CLSTN2: variants seen among roughly 807,000 people sequenced by gnomAD.
CLSTN2 encodes calsyntenin 2.
CLSTN2 carries 48 observed loss-of-function variants against 101.2 expected under a neutral mutation model. That is an observed-to-expected ratio of 0.47 (90% CI 0.38 to 0.60). The LOEUF (loss-of-function observed/expected upper bound fraction) is 0.60, where lower values mean the gene tolerates loss of function less well. Ranked by LOEUF, CLSTN2 falls within the 20% of genes least tolerant of loss-of-function variation. The pLI, the probability that CLSTN2 is intolerant of heterozygous loss-of-function variation, is 0.00. For missense variants in CLSTN2, 1,160 were observed against 1,238.2 expected (o/e 0.94, Z 0.95); for synonymous variants, 481 against 463.6 (o/e 1.04, Z -0.48).
At chr3:140,055,934 T>C (rs1443697772) in intron 1 of CLSTN2, among the ~76,000 whole-genome samples, 1 of 152,184 alleles carries the variant, frequency 6.6e-6, no homozygotes, top group Non-Finnish European at 1.5e-5. Flanking sequence ...GGCTGGCCCA[T>C]TGAGAGTGAA....
intron 1 of CLSTN2, among the ~76,000 whole-genome samples, chr3:140,137,504 C>A (rs926154152): frequency 6.6e-6 from 1 of 152,154 alleles, no homozygotes; most frequent in African/African-American, 2.4e-5. Context: ...CATATCACTT[C>A]GTGTCCTCTA....
At chr3:140,042,247 C>A (rs964733442) in intron 1 of CLSTN2, among the ~76,000 whole-genome samples, 2 of 152,190 alleles carry the variant, frequency 1.3e-5, no homozygotes, top group East Asian at 3.8e-4. Context: ...CTCCACCAGG[C>A]CCCAGCAGCC....
At chr3:140,110,549 A>G (rs114048936) in intron 1 of CLSTN2, among the ~76,000 whole-genome samples, 1 of 152,344 alleles carries the variant, frequency 6.6e-6, no homozygotes, top group Non-Finnish European at 1.5e-5. Flanking sequence ...ACTCTTTGTT[A>G]TTAGAGAAAA....
intron 1 of CLSTN2, among the ~76,000 whole-genome samples, chr3:140,034,508 C>T (rs931814413): frequency 3.9e-5 from 6 of 152,146 alleles, no homozygotes; most frequent in Non-Finnish European, 7.4e-5. Flanking sequence ...GGGAATAATC[C>T]GCACCCTGCC....
chr3:140,521,048 A>ATTTTTTTTTTTTTTTT (rs57840726), intron 8 of CLSTN2, among the ~76,000 whole-genome samples: 1 of 125,490 alleles, frequency 8.0e-6, no homozygotes, highest in Non-Finnish European at 1.7e-5. Flanking sequence ...GCTTTTTTGC[A>ATTTTTTTTTTTTTTTT]TTTTTTTTTT....
At chr3:140,187,215 GCT>G (rs2010497632) in intron 2 of CLSTN2, among the ~76,000 whole-genome samples, 1 of 152,120 alleles carries the variant, frequency 6.6e-6, no homozygotes, top group Non-Finnish European at 1.5e-5. Context: ...TGCCTTTGCT[GCT>G]CTGTCTCCCT....
intron 2 of CLSTN2, among the ~76,000 whole-genome samples, chr3:140,215,712 C>T (rs1254783007): frequency 2.6e-5 from 4 of 152,198 alleles, no homozygotes; most frequent in African/African-American, 9.7e-5. Flanking sequence ...AACTTACCCT[C>T]CCTGTGTTTC....
chr3:140,124,779 A>G (rs1261002729), intron 1 of CLSTN2, among the ~76,000 whole-genome samples: 1 of 152,176 alleles, frequency 6.6e-6, no homozygotes, highest in East Asian at 1.9e-4. Context: ...TGGGAATGAA[A>G]TGGTGGCATC....
At chr3:140,394,090 G>T (rs1211668238) in intron 2 of CLSTN2, among the ~76,000 whole-genome samples, 1 of 152,146 alleles carries the variant, frequency 6.6e-6, no homozygotes, top group Non-Finnish European at 1.5e-5. Flanking sequence ...ATCCCTTTGT[G>T]CTGGCTTGCT....
Position 140,430,657 on chromosome 3 carries a change from G to A in CLSTN2, c.787+9383G>A, listed in dbSNP as rs559232702. ...TGTGAAGCTCTTGTTGTCCATTGGC[G>A]CCTTAGCAGGGAGTGGGTGATTAGA... On this transcript the variant is annotated intron_variant, in intron 5 of 16. Transcript: ENST00000458420. Among the ~76,000 whole-genome samples, 133 of 152,272 alleles carry A rather than the reference G, an allele frequency of 8.7e-4. 1 individual carries two copies. The highest frequency in any genetic ancestry group is 1.6e-3 in the Non-Finnish European group (112 of 68,032).
intron 1 of CLSTN2, among the ~76,000 whole-genome samples, chr3:140,017,238 G>C (rs183993946): frequency 6.6e-6 from 1 of 152,208 alleles, no homozygotes; most frequent in African/African-American, 2.4e-5. Flanking sequence ...TTGAGCCTGG[G>C]CAGGTACTCT....
chr3:140,253,073 T>A (rs1473300251), intron 2 of CLSTN2, among the ~76,000 whole-genome samples: 1 of 152,096 alleles, frequency 6.6e-6, no homozygotes, highest in Admixed American at 6.5e-5. Flanking sequence ...GTAAGTTCGA[T>A]CACTGGGATC....
At chr3:139,961,112 A>C (rs1333108148) in intron 1 of CLSTN2, among the ~76,000 whole-genome samples, 1 of 152,152 alleles carries the variant, frequency 6.6e-6, no homozygotes, top group African/African-American at 2.4e-5. Context: ...CCAGAGTACC[A>C]GTACTTTTGT....
intron 1 of CLSTN2, among the ~76,000 whole-genome samples, chr3:140,124,234 A>G (rs1331546829): frequency 6.6e-6 from 1 of 152,110 alleles, no homozygotes; most frequent in Admixed American, 6.6e-5. Context: ...TTGTTCAGTG[A>G]CTGGGGATGG....
intron 2 of CLSTN2, among the ~76,000 whole-genome samples, chr3:140,330,915 G>C (rs2087377787): frequency 1.3e-5 from 2 of 152,154 alleles, no homozygotes; most frequent in South Asian, 2.1e-4. Flanking sequence ...TATTAATCAG[G>C]GTTCTCCAGA....
At chr3:140,447,009 G>A (rs77711533) in intron 5 of CLSTN2, among the ~76,000 whole-genome samples, 8,725 of 152,202 alleles carry the variant, frequency 0.057, 351 homozygotes, top group East Asian at 0.2. Context: ...GAACAAAGCC[G>A]TCTGGCTAGC....
intron 2 of CLSTN2, among the ~76,000 whole-genome samples, chr3:140,343,419 T>G (rs1004484540): frequency 4.6e-5 from 7 of 152,186 alleles, no homozygotes; most frequent in Admixed American, 3.9e-4. Flanking sequence ...CTGGTTACCA[T>G]GAGGTTAGCT....
At chr3:140,303,202 C>T (rs1376475347) in intron 2 of CLSTN2, among the ~76,000 whole-genome samples, 1 of 152,196 alleles carries the variant, frequency 6.6e-6, no homozygotes, top group Admixed American at 6.5e-5. Context: ...ATTCATTCAG[C>T]AGATATTTCT....
chr3:140,243,602 A>G (rs999191799), intron 2 of CLSTN2, among the ~76,000 whole-genome samples: 7 of 152,076 alleles, frequency 4.6e-5, no homozygotes, highest in African/African-American at 1.7e-4. Context: ...CTTGGGCTTG[A>G]TGGCTGAGGC....
Sources: gnomAD v4.1 joint callset for allele counts (sites outside exome capture counted in the v4.1 genomes callset) on GRCh38, gnomAD v4.1.1 for gene constraint, MANE v1.5 for transcripts, NCBI Gene and HGNC (gene_info 2026-07-23, HGNC 2026-07-21) for gene names.